ZNF568: variants seen among roughly 807,000 people sequenced by gnomAD.
The protein encoded by ZNF568 is zinc finger protein 568, also known as p53 inhibitor of SCO2 activation.
In ZNF568, 11 loss-of-function variants were observed where a neutral mutation model predicts 18.1. The observed-to-expected ratio is 0.61, with a 90% CI of 0.38 to 1.00. The LOEUF (loss-of-function observed/expected upper bound fraction) is 1.00, where lower values mean the gene tolerates loss of function less well. Ranked by LOEUF, ZNF568 falls within the 50% of genes least tolerant of loss-of-function variation. ZNF568 has a pLI of 0.01. For synonymous variants in ZNF568, 213 were observed against 246.6 expected, an observed-to-expected ratio of 0.86 and a Z score of 1.28; for missense variants, 639 against 768.2, an observed-to-expected ratio of 0.83 and a Z score of 1.99.
chr19:36,991,349 T>C (rs2074423072), intron 3 of ZNF568: 2 of 1,471,582 alleles, frequency 1.4e-6, no homozygotes, highest in Non-Finnish European at 1.8e-6. Context: ...AAACACACAA[T>C]TGGCCTTCTG....
downstream of ZNF568, among the ~76,000 whole-genome samples, chr19:36,981,888 A>G (rs1031010883): frequency 4.6e-5 from 7 of 152,110 alleles, no homozygotes; most frequent in African/African-American, 1.4e-4. Flanking sequence ...AAAAAAGTAA[A>G]TAAAATAAAA....
At chr19:36,949,450 T>C (rs2074020043) in intron 6 of ZNF568, 62 bp from the exon 7 acceptor site, 4 of 1,471,552 alleles carry the variant, frequency 2.7e-6, no homozygotes, top group Non-Finnish European at 3.6e-6. Flanking sequence ...ATTTCTGATA[T>C]GTTATTAATA....
At chr19:36,997,509 C>A, downstream of ZNF568, 1 of 1,588,050 alleles carries the variant, frequency 6.3e-7, no homozygotes, top group East Asian at 2.3e-5. Flanking sequence ...GGTCAGAACT[C>A]ACACATCATG....
downstream of ZNF568, among the ~76,000 whole-genome samples, chr19:36,953,358 AG>A (rs1254335071): frequency 3.9e-5 from 6 of 152,200 alleles, no homozygotes; most frequent in African/African-American, 1.4e-4. Flanking sequence ...GGTGGCCATA[AG>A]CAATTGTGTA....
intron 6 of ZNF568, among the ~76,000 whole-genome samples, chr19:36,946,831 T>C (rs477893): frequency 0.024 from 3,672 of 151,532 alleles, 157 homozygotes; most frequent in African/African-American, 0.084. Flanking sequence ...TTTGTATTTT[T>C]AGTAGAGATG....
At chr19:36,963,963 C>CA (rs2146325373) in intron 6 of ZNF568, among the ~76,000 whole-genome samples, 1 of 119,286 alleles carries the variant, frequency 8.4e-6, no homozygotes, top group Non-Finnish European at 1.6e-5. Flanking sequence ...GAGACTCAGT[C>CA]AAAAAAAGTA....
At chr19:36,937,503 G>A (rs1016291688) in intron 6 of ZNF568, among the ~76,000 whole-genome samples, 1 of 152,146 alleles carries the variant, frequency 6.6e-6, no homozygotes, top group Non-Finnish European at 1.5e-5. Context: ...TTCATTCACA[G>A]CTTCACTTTC....
intron 6 of ZNF568, among the ~76,000 whole-genome samples, chr19:36,965,711 T>C (rs1255349463): frequency 1.0e-5 from 1 of 98,272 alleles, no homozygotes; most frequent in African/African-American, 5.0e-5. Context: ...GGACTTTTTT[T>C]TTTTTTTTTT....
At chr19:36,940,971 T>C (rs748439124) in intron 6 of ZNF568, among the ~76,000 whole-genome samples, 12 of 152,296 alleles carry the variant, frequency 7.9e-5, no homozygotes, top group Non-Finnish European at 1.2e-4. Context: ...GAGTTTTCCA[T>C]TGTAGAGTCA....
intron 7 of ZNF568, among the ~76,000 whole-genome samples, chr19:36,975,121 A>C (rs1318059626): frequency 6.8e-6 from 1 of 147,038 alleles, no homozygotes. Context: ...GCCATCTTGC[A>C]CGGCCCGCTT....
intron 6 of ZNF568, among the ~76,000 whole-genome samples, chr19:36,967,851 C>A (rs915821337): frequency 6.6e-6 from 1 of 152,166 alleles, no homozygotes; most frequent in Admixed American, 6.5e-5. Context: ...TCATAATGTC[C>A]ACAGTAAAGA....
chr19:36,938,249 A>G (rs528151581), intron 6 of ZNF568, among the ~76,000 whole-genome samples: 8 of 152,228 alleles, frequency 5.3e-5, no homozygotes, highest in Non-Finnish European at 1.2e-4. Flanking sequence ...GCTTTTATAC[A>G]TTTCACTATA....
downstream of ZNF568, among the ~76,000 whole-genome samples, chr19:36,955,215 GTTGTTT>G (rs1363569487): frequency 1.3e-5 from 2 of 151,492 alleles, no homozygotes; most frequent in Non-Finnish European, 2.9e-5. Context: ...TGTCTAAACA[GTTGTTT>G]TTATCTGTGA....
chr19:36,922,455 A>T, intron 2 of ZNF568, 131 bp from the exon 3 acceptor site: 1 of 240,504 alleles, frequency 4.2e-6, no homozygotes, highest in Non-Finnish European at 8.0e-6. Flanking sequence ...AAAGGTACTC[A>T]TGGTGGGAGG....
At chr19:36,991,014 T>C (rs1362416326) in intron 2 of ZNF568, 5 of 676,698 alleles carry the variant, frequency 7.4e-6, no homozygotes, top group Non-Finnish European at 1.2e-5. Flanking sequence ...TTCACTCTGA[T>C]CACCCCTGTT....
downstream of ZNF568, among the ~76,000 whole-genome samples, chr19:36,953,132 T>C (rs1471392970): frequency 6.6e-6 from 1 of 152,196 alleles, no homozygotes; most frequent in Non-Finnish European, 1.5e-5. Flanking sequence ...GTCCTTTCAG[T>C]GGAGCCAGTA....
chr19:36,962,277 G>GTTTTTTTTT (rs71177418), intron 6 of ZNF568, among the ~76,000 whole-genome samples: 36 of 45,250 alleles, frequency 8.0e-4, no homozygotes, highest in Non-Finnish European at 1.2e-3. Context: ...GTGTTGCAGT[G>GTTTTTTTTT]TTTTTTTTTT....
chr19:36,962,277 G>GTTATTTTTTTTTTTTT (rs1555736279), intron 6 of ZNF568, among the ~76,000 whole-genome samples: 2 of 45,268 alleles, frequency 4.4e-5, no homozygotes, highest in African/African-American at 8.4e-5. Context: ...GTGTTGCAGT[G>GTTATTTTTTTTTTTTT]TTTTTTTTTT....
intron 4 of ZNF568, among the ~76,000 whole-genome samples, chr19:36,995,659 G>A (rs565775229): frequency 1.6e-4 from 24 of 151,260 alleles, no homozygotes; most frequent in South Asian, 1.5e-3. Flanking sequence ...ATATTTTCTA[G>A]AGTACCATTT....
Sources: allele counts gnomAD v4.1 joint callset (sites outside exome capture counted in the v4.1 genomes callset), GRCh38; gene constraint gnomAD v4.1.1; transcripts MANE v1.5; gene names NCBI Gene and HGNC (gene_info 2026-07-23, HGNC 2026-07-21).